FUT8: variants seen among roughly 807,000 people sequenced by gnomAD.
The protein encoded by FUT8 is alpha-(1,6)-fucosyltransferase.
Under a neutral mutation model 71.3 loss-of-function variants are expected in FUT8, and 29 were observed. The ratio of observed to expected loss-of-function variants is 0.41; its 90% CI spans 0.30 to 0.55. The LOEUF (loss-of-function observed/expected upper bound fraction) is 0.55. Among genes scored for constraint, FUT8 ranks in the 20% least tolerant of loss-of-function variants. The probability of loss-of-function intolerance (pLI) is 0.34; values close to 1 mark genes in which losing one functional copy is unlikely to be tolerated. For missense variants in FUT8, 544 were observed against 702.1 expected (o/e 0.77, Z 2.55); for synonymous variants, 254 against 239.3 (o/e 1.06, Z -0.57).
intron 2 of FUT8, among the ~76,000 whole-genome samples, chr14:65,493,360 T>A (rs1490155757): frequency 6.6e-6 from 1 of 152,084 alleles, no homozygotes; most frequent in Non-Finnish European, 1.5e-5. Flanking sequence ...GACCACCTTC[T>A]CCCTCTGTTA....
intron 7 of FUT8, among the ~76,000 whole-genome samples, chr14:65,703,901 G>T (rs545339291): frequency 7.9e-5 from 12 of 152,284 alleles, no homozygotes; most frequent in African/African-American, 2.9e-4. Flanking sequence ...TACACTAACT[G>T]CCCTCTTTCC....
intron 6 of FUT8, among the ~76,000 whole-genome samples, chr14:65,654,629 A>G (rs1382273527): frequency 6.6e-6 from 1 of 152,044 alleles, no homozygotes; most frequent in African/African-American, 2.4e-5. Context: ...ATTTTAAAAC[A>G]CTATAGAAGA....
At chr14:65,429,491 T>A (rs1023135740) in intron 1 of FUT8, among the ~76,000 whole-genome samples, 1 of 152,222 alleles carries the variant, frequency 6.6e-6, no homozygotes, top group Non-Finnish European at 1.5e-5. Context: ...CACTTTTTGA[T>A]AACAAATATC....
At chr14:65,448,669 G>T (rs2065778496) in intron 1 of FUT8, among the ~76,000 whole-genome samples, 1 of 152,156 alleles carries the variant, frequency 6.6e-6, no homozygotes, top group Non-Finnish European at 1.5e-5. Flanking sequence ...ATCTTTTGGG[G>T]ATGGGGTGGG....
At chr14:65,517,129 T>G (rs189251057) in intron 2 of FUT8, among the ~76,000 whole-genome samples, 15 of 152,242 alleles carry the variant, frequency 9.9e-5, no homozygotes, top group Non-Finnish European at 1.9e-4. Context: ...AGTGGACATT[T>G]ACATTGTTTC....
At chr14:65,561,045 T>C (rs1219098825) in intron 2 of FUT8, among the ~76,000 whole-genome samples, 2 of 152,194 alleles carry the variant, frequency 1.3e-5, no homozygotes. Context: ...AGTCTTCATA[T>C]ATAAGTTAAT....
the FUT8 span, among the ~76,000 whole-genome samples, chr14:65,386,450 G>GCTGCGATTGCGCCACTACCCTC: frequency 7.0e-6 from 1 of 142,422 alleles, no homozygotes; most frequent in Admixed American, 7.5e-5. Flanking sequence ...GCTGCAGTTA[G>GCTGCGATTGCGCCACTACCCTC]CTGCGATTGC....
chr14:65,439,993 T>TATATATATATACAC (rs1555361023), intron 1 of FUT8, among the ~76,000 whole-genome samples: 2 of 138,168 alleles, frequency 1.4e-5, no homozygotes, highest in African/African-American at 5.3e-5. Flanking sequence ...TATATATATG[T>TATATATATATACAC]ACACACACAC....
Position 65,725,842 on chromosome 14 carries a change from A to C in FUT8, c.1259+1519A>C, listed in dbSNP as rs367802982. ...CAAATGGGGATGAGGAAAATAAATA[A>C]ATTTAGAATGAGGACTATAATGCAG... On this transcript the variant is annotated intron_variant, in intron 9 of 10. Transcript: ENST00000673929. Among the ~76,000 whole-genome samples the C allele has an allele frequency of 3.9e-5, 6 of 152,378 alleles. No individual in the cohort carries two copies. The East Asian group carries it at 1.2e-3, about 29-fold the overall frequency.
chr14:65,497,270 A>C (rs550096133), intron 2 of FUT8, among the ~76,000 whole-genome samples: 8 of 152,264 alleles, frequency 5.3e-5, no homozygotes, highest in African/African-American at 1.9e-4. Flanking sequence ...GATCTGAAGG[A>C]CTTGTTTGGA....
intron 1 of FUT8, among the ~76,000 whole-genome samples, chr14:65,436,262 A>G (rs2065557117): frequency 6.6e-6 from 1 of 152,088 alleles, no homozygotes; most frequent in Non-Finnish European, 1.5e-5. Context: ...TGGGCAACAT[A>G]GCAAGACCCT....
chr14:65,742,076 T>A lies in FUT8; in HGVS notation c.1411-17T>A. On this transcript the variant is annotated splice_polypyrimidine_tract_variant and intron_variant, in intron 10 of 10. Coordinates refer to ENST00000673929, the MANE Select transcript of FUT8 (RefSeq NM_001371533.1). ...AGTGTTTATATACTAACAATTTCTT[T>A]TAAATTCTTTCCCAAGGTCTGTCGA... 5 of 1,602,382 alleles carry A rather than the reference T, an allele frequency of 3.1e-6. No homozygotes were observed. The African/African-American group carries it at 5.4e-5, about 17-fold the overall frequency.
chr14:65,446,448 A>G (rs781092027), intron 1 of FUT8, among the ~76,000 whole-genome samples: 3 of 152,194 alleles, frequency 2.0e-5, no homozygotes, highest in Non-Finnish European at 2.9e-5. Flanking sequence ...CACTACTTAG[A>G]TGGATTAATT....
rs184473993 is a variant in FUT8, at chr14:65,515,049, T to C, written c.-227-46288T>C. Among the ~76,000 whole-genome samples the C allele has an allele frequency of 5.1e-4, 76 of 147,880 alleles. No individual in the cohort carries two copies. In the Middle Eastern group the frequency reaches 0.025, roughly 49 times the overall value. ...TTGTGGAATCAAATTATTTTGTCTT[T>C]CCAAACCTCATTTTTCTCTAACATA... is the stretch of plus-strand genomic sequence containing the variant. On this transcript the variant is annotated intron_variant, in intron 2 of 10. Transcript: ENST00000673929.
At chr14:65,498,624 CAAT>C (rs1189749225) in intron 2 of FUT8, among the ~76,000 whole-genome samples, 2 of 152,130 alleles carry the variant, frequency 1.3e-5, no homozygotes, top group Admixed American at 6.6e-5. Flanking sequence ...GCCAGTACAA[CAAT>C]GTTATTTATC....
chr14:65,675,835 C>CAA lies in FUT8; in HGVS notation c.835+6366_835+6367dup, dbSNP rs55685826. The stretch of plus-strand genomic sequence containing the variant: ...TGAAACCCCATTTCTACTAAAAATA[C>CAA]AAAAAAAAAAAATCAGCCTGGCGTG... On this transcript the variant is annotated intron_variant, in intron 7 of 10. Transcript: ENST00000673929. Among the ~76,000 whole-genome samples, 189 of 144,830 alleles carry CAA rather than the reference C, an allele frequency of 1.3e-3. 2 individuals are homozygous for CAA. The highest frequency in any genetic ancestry group is 7.7e-3 in the East Asian group (38 of 4,936).
At chr14:65,421,232 A>G (rs1407951707) in intron 1 of FUT8, among the ~76,000 whole-genome samples, 1 of 151,434 alleles carries the variant, frequency 6.6e-6, no homozygotes, top group Non-Finnish European at 1.5e-5. Context: ...AGGAAGAGAG[A>G]ATATATTTAC....
At chr14:65,430,736 T>C (rs1042889312) in intron 1 of FUT8, among the ~76,000 whole-genome samples, 3 of 152,202 alleles carry the variant, frequency 2.0e-5, no homozygotes, top group Non-Finnish European at 4.4e-5. Context: ...TTAAAAGTTT[T>C]GTAACATAGC....
At chr14:65,698,064 T>TA (rs1894087005) in intron 7 of FUT8, among the ~76,000 whole-genome samples, 1 of 152,152 alleles carries the variant, frequency 6.6e-6, no homozygotes, top group African/African-American at 2.4e-5. Context: ...TCTGTTATTA[T>TA]AATGTGTAGA....
Sources: gnomAD v4.1 joint callset for allele counts (sites outside exome capture counted in the v4.1 genomes callset) on GRCh38, gnomAD v4.1.1 for gene constraint, MANE v1.5 for transcripts, NCBI Gene and HGNC (gene_info 2026-07-23, HGNC 2026-07-21) for gene names.